The following FOXP2 variants were observed in gnomAD, a reference collection of about 807,000 sequenced individuals.
The protein encoded by FOXP2 is forkhead box protein P2.
Under a neutral mutation model 115.8 loss-of-function variants are expected in FOXP2, and 12 were observed. That is an observed-to-expected ratio of 0.10 (90% CI 0.07 to 0.17). FOXP2 has a LOEUF of 0.17. Among genes scored for constraint, FOXP2 ranks in the 10% least tolerant of loss-of-function variants. The pLI, the probability that FOXP2 is intolerant of heterozygous loss-of-function variation, is 1.00. For synonymous variants in FOXP2, 328 were observed against 297.7 expected, an observed-to-expected ratio of 1.10 and a Z score of -1.05; for missense variants, 629 against 843.5, an observed-to-expected ratio of 0.75 and a Z score of 3.15.
At chr7:114,633,476 A>T (rs2129329034) in intron 6 of FOXP2, among the ~76,000 whole-genome samples, 1 of 152,312 alleles carries the variant, frequency 6.6e-6, no homozygotes, top group East Asian at 1.9e-4. Flanking sequence ...CTTTGAGCAG[A>T]AAATTTATAT....
chr7:114,161,268 A>G (rs1792822350), upstream of FOXP2, among the ~76,000 whole-genome samples: 1 of 152,182 alleles, frequency 6.6e-6, no homozygotes. Context: ...CCTAAAATCT[A>G]GTCTTCAGTG....
chr7:114,183,949 A>T (rs1167534606), intron 1 of FOXP2, among the ~76,000 whole-genome samples: 1 of 152,198 alleles, frequency 6.6e-6, no homozygotes, highest in Non-Finnish European at 1.5e-5. Context: ...AATGTGGTAC[A>T]CAAGACGAGA....
At chr7:114,661,999 T>C (rs568837506) in intron 13 of FOXP2, 66 bp from the exon 14 acceptor site, 3 of 1,577,960 alleles carry the variant, frequency 1.9e-6, no homozygotes, top group African/African-American at 1.3e-5. Context: ...AATAATGTAG[T>C]ATGTTGGGCT....
intron 6 of FOXP2, among the ~76,000 whole-genome samples, chr7:114,632,358 A>G (rs1389095409): frequency 1.3e-5 from 2 of 152,226 alleles, no homozygotes; most frequent in Non-Finnish European, 2.9e-5. Context: ...ATTGTGTGTC[A>G]TATTCATAAC....
At chr7:114,378,607 C>G (rs1432298391) in intron 2 of FOXP2, among the ~76,000 whole-genome samples, 1 of 138,404 alleles carries the variant, frequency 7.2e-6, no homozygotes, top group Non-Finnish European at 1.5e-5. Flanking sequence ...TCTCTTGAGT[C>G]CAAGAGTTTA....
At chr7:114,383,091 A>G (rs937797469) in intron 2 of FOXP2, among the ~76,000 whole-genome samples, 9 of 152,156 alleles carry the variant, frequency 5.9e-5, no homozygotes, top group African/African-American at 1.9e-4. Flanking sequence ...GAGATCGCCA[A>G]ACTCTTGGGT....
intron 16 of FOXP2, among the ~76,000 whole-genome samples, chr7:114,674,655 T>A (rs892419835): frequency 2.0e-5 from 3 of 152,186 alleles, no homozygotes; most frequent in African/African-American, 7.2e-5. Context: ...TGTTGTATAA[T>A]TTCTTAGCTG....
intron 2 of FOXP2, among the ~76,000 whole-genome samples, chr7:114,454,815 A>C (rs1378616838): frequency 3.8e-5 from 5 of 131,328 alleles, no homozygotes; most frequent in African/African-American, 1.2e-4. Flanking sequence ...TGGGAATTGA[A>C]CAATGAGATC....
At chr7:114,499,305 G>A (rs1284975066) in intron 2 of FOXP2, 1 of 169,330 alleles carries the variant, frequency 5.9e-6, no homozygotes, top group Non-Finnish European at 1.3e-5. Flanking sequence ...GGTTATTGCT[G>A]ATAGCCTCAT....
chr7:114,312,480 A>T (rs1206573919), intron 2 of FOXP2, among the ~76,000 whole-genome samples: 1 of 151,926 alleles, frequency 6.6e-6, no homozygotes, highest in Admixed American at 6.6e-5. Context: ...GACCCAGAGA[A>T]CCCTTTTCCT....
chr7:114,176,298 T>TTCTTTCTTTCTC (rs368923204), intron 1 of FOXP2, among the ~76,000 whole-genome samples: 24 of 76,574 alleles, frequency 3.1e-4, no homozygotes, highest in African/African-American at 5.9e-4. Flanking sequence ...CTTTCTTTCT[T>TTCTTTCTTTCTC]TCTCTCTCTC....
intron 2 of FOXP2, among the ~76,000 whole-genome samples, chr7:114,528,277 ATAT>A (rs762313301): frequency 6.6e-6 from 1 of 152,018 alleles, no homozygotes; most frequent in Non-Finnish European, 1.5e-5. Context: ...TCCAGCCCAA[ATAT>A]TATATCCTCC....
intron 1 of FOXP2, among the ~76,000 whole-genome samples, chr7:114,269,268 G>A (rs183476125): frequency 6.6e-6 from 1 of 152,204 alleles, no homozygotes; most frequent in African/African-American, 2.4e-5. Context: ...TTTGAATAGA[G>A]ATAGACAGAA....
At chr7:114,126,367 T>G (rs1791709217) in intron 1 of FOXP2, among the ~76,000 whole-genome samples, 1 of 152,156 alleles carries the variant, frequency 6.6e-6, no homozygotes, top group South Asian at 2.1e-4. Flanking sequence ...TGTGTCAATG[T>G]ATAGTTACAG....
chr7:114,426,683 A>G lies in FOXP2; in HGVS notation c.168+4A>G. The G allele has an allele frequency of 2.5e-6, 4 of 1,610,674 alleles. No homozygotes were observed. Among genetic ancestry groups the G allele is most frequent in the Non-Finnish European group, 3.4e-6 (4 of 1,177,796 alleles). On this transcript the variant is annotated splice_donor_region_variant and intron_variant, in intron 2 of 16. Transcript: ENST00000350908. ...GCTGCATCTGCAACAACAGCAGGTA[A>G]GTTTTGTTTTCCTCAGTGCTTCCTT...
intron 2 of FOXP2, among the ~76,000 whole-genome samples, chr7:114,504,492 C>T (rs2129254933): frequency 6.6e-6 from 1 of 151,588 alleles, no homozygotes; most frequent in African/African-American, 2.4e-5. Context: ...TTGGTGTCGA[C>T]ATTATAAATA....
At chr7:114,441,317 T>C (rs746510851) in intron 2 of FOXP2, among the ~76,000 whole-genome samples, 2 of 151,946 alleles carry the variant, frequency 1.3e-5, no homozygotes, top group Non-Finnish European at 2.9e-5. Flanking sequence ...CTGGGCCTGG[T>C]GGTGCATGCC....
intron 16 of FOXP2, among the ~76,000 whole-genome samples, chr7:114,676,367 A>G (rs1585018796): frequency 1.3e-5 from 2 of 152,222 alleles, no homozygotes; most frequent in East Asian, 3.9e-4. Context: ...TAATAGATGC[A>G]TAGTTCAAGG....
chr7:114,136,847 T>C lies in FOXP2; in HGVS notation c.-246-26097T>C, dbSNP rs1428683208. On this transcript the variant is annotated intron_variant, in intron 1 of 19. Coordinates refer to the FOXP2 transcript ENST00000635638. The stretch of plus-strand genomic sequence containing the variant: ...TTATTTTCTAACATGACAACATCAA[T>C]ACTAATAAGCCAATATTATTCCACA... 2.0e-5 allele frequency among the ~76,000 whole-genome samples: 3 copies of C among 151,992 alleles called. No individual in the cohort carries two copies. The East Asian group carries it at 5.8e-4, about 29-fold the overall frequency.
Sources: gnomAD v4.1 joint callset for allele counts (sites outside exome capture counted in the v4.1 genomes callset) on GRCh38, gnomAD v4.1.1 for gene constraint, MANE v1.5 for transcripts, NCBI Gene and HGNC (gene_info 2026-07-23, HGNC 2026-07-21) for gene names.